LMAN1: variants seen among roughly 807,000 people sequenced by gnomAD.
The protein encoded by LMAN1 is protein ERGIC-53.
A neutral mutation model predicts 67.8 loss-of-function variants in LMAN1; 32 were observed. The observed-to-expected ratio is 0.47, with a 90% CI of 0.36 to 0.63. The LOEUF (loss-of-function observed/expected upper bound fraction) is 0.63. Ranked by LOEUF, LMAN1 falls within the 30% of genes least tolerant of loss-of-function variation. LMAN1 has a pLI of 0.00. For synonymous variants in LMAN1, 235 were observed against 219.3 expected (o/e 1.07, Z -0.63); for missense variants, 632 against 628.2 (o/e 1.01, Z -0.06).
In LMAN1 at chr18:59,338,108, G is replaced by C. The variant is rs534370908; in HGVS notation, c.1220+449C>G. 3.9e-5 allele frequency among the ~76,000 whole-genome samples: 6 copies of C among 152,254 alleles called. No individual in the cohort carries two copies. The South Asian group carries it at 1.0e-3, about 26-fold the overall frequency. ...GAGTAAAAGATGGGAATGAAAAAGA[G>C]GTAGTCACACATATTACGTTCAAAA... On this transcript the variant is annotated intron_variant, in intron 10 of 12. Transcript: ENST00000251047.
rs1375009602 is a variant in LMAN1, at chr18:59,338,570, C to T, written c.1207G>A (p.Val403Ile). ...VKTQHEILRQ[V>I]NEMKNSMSET... is the part of the protein sequence containing the mutation. ...TTCCATACTTACTTCATTTCATTTACTTGTCTCAGAATCTCATGCTGAGTT... is the reference window on the plus strand; with the variant it reads ...TTCCATACTTACTTCATTTCATTTATTTGTCTCAGAATCTCATGCTGAGTT... Residue 403 changes from valine (V) to isoleucine (I), a missense_variant, in exon 10 of 13, where the codon GTA becomes ATA. Val to Ile is a conservative substitution (Grantham distance 29). Coordinates refer to ENST00000251047, the MANE Select transcript of LMAN1 (RefSeq NM_005570.4). The T allele has an allele frequency of 1.9e-6, 3 of 1,612,998 alleles. No homozygotes were observed. The African/African-American group carries it at 4.0e-5, about 22-fold the overall frequency.
intron 1 of LMAN1, among the ~76,000 whole-genome samples, 195 bp downstream of exon 1, chr18:59,358,836 G>A (rs1908724230): frequency 6.6e-6 from 1 of 152,162 alleles, no homozygotes; most frequent in African/African-American, 2.4e-5. Context: ...GAAAGACTCG[G>A]GGACAAGCGG....
chr18:59,333,294 T>C (rs2070760339), intron 10 of LMAN1, 50 bp from the exon 11 acceptor site: 2 of 1,497,524 alleles, frequency 1.3e-6, no homozygotes, highest in East Asian at 4.6e-5. Context: ...AAGTTTTTTT[T>C]TTTCAGTCAC....
At chr18:59,333,065 A>G in intron 11 of LMAN1, 26 bp downstream of exon 11, 1 of 1,587,848 alleles carries the variant, frequency 6.3e-7, no homozygotes, top group Non-Finnish European at 8.6e-7. Flanking sequence ...GATTATAATT[A>G]TAAAAGGAAA....
At position 59,355,541 on chromosome 18, in the gene LMAN1, C is replaced by G. The variant is rs148481935; in HGVS notation, c.332G>C (p.Arg111Pro). ...FENWEVEVTFRVTGRGRIGAD... is the reference protein window; with the variant it reads ...FENWEVEVTFPVTGRGRIGAD... ...TCCAATTCGACCTCTTCCAGTCACT[C>G]GAAATGTCACCTCAACTTCCCAGTT... Residue 111 changes from arginine to proline, a missense_variant, in exon 2 of 13, where the codon CGA becomes CCA. By Grantham distance (103) the Arg-to-Pro change is moderately radical. Coordinates refer to ENST00000251047, the MANE Select transcript of LMAN1 (RefSeq NM_005570.4). 6.2e-7 allele frequency: 1 copy of G among 1,613,974 alleles called. No homozygotes were observed. Among genetic ancestry groups the G allele is most frequent in the South Asian group, 1.1e-5 (1 of 91,076 alleles).
intron 1 of LMAN1, among the ~76,000 whole-genome samples, chr18:59,356,081 G>C (rs1908655334): frequency 6.6e-6 from 1 of 152,192 alleles, no homozygotes; most frequent in Non-Finnish European, 1.5e-5. Context: ...TCTCAGTTCA[G>C]CTGTGTGACT....
intron 1 of LMAN1, 99 bp from the exon 2 acceptor site, chr18:59,355,757 C>T (rs1367576158): frequency 1.5e-6 from 2 of 1,330,932 alleles, no homozygotes; most frequent in Non-Finnish European, 2.1e-6. Context: ...GACTTAGTAA[C>T]CTGTACAATA....
chr18:59,333,010 G>T (rs1390204763), intron 11 of LMAN1, 81 bp downstream of exon 11: 4 of 1,157,448 alleles, frequency 3.5e-6, no homozygotes, highest in Non-Finnish European at 5.2e-6. Context: ...ATTAACTAAA[G>T]GGTTAAAATA....
Position 59,359,038 on chromosome 18 carries a change from G to C in LMAN1, c.207C>G (p.His69Gln), listed in dbSNP as rs1010277720. Residue 69 changes from histidine (H) to glutamine (Q), a missense_variant, in exon 1 of 13, where the codon CAC becomes CAG. Transcript: ENST00000251047. ...QSDGTVPFWA[H>Q]AGNAIPSSDQ... Reference sequence around the variant, plus strand: ...CCCTCTGCTCCGGCTTACTCCCCGCGTGGGCCCAGAAGGGCACGGTCCCGT... The same window carrying C: ...CCCTCTGCTCCGGCTTACTCCCCGCCTGGGCCCAGAAGGGCACGGTCCCGT... The C allele has an allele frequency of 6.2e-6, 10 of 1,613,862 alleles. No homozygotes were observed. In the East Asian group the frequency reaches 1.8e-4, roughly 29 times the overall value.
chr18:59,347,125 G>T (rs1908428481), intron 7 of LMAN1, among the ~76,000 whole-genome samples: 1 of 151,718 alleles, frequency 6.6e-6, no homozygotes, highest in Non-Finnish European at 1.5e-5. Flanking sequence ...CAGCTACTCA[G>T]GAGGCTGAGG....
intron 5 of LMAN1, 113 bp downstream of exon 5, chr18:59,353,089 G>A (rs1170951576): frequency 2.2e-6 from 2 of 900,672 alleles, no homozygotes; most frequent in Non-Finnish European, 3.7e-6. Flanking sequence ...TAACAATGAA[G>A]AGTATGTAAG....
At chr18:59,349,488 G>T (rs892205670) in intron 5 of LMAN1, among the ~76,000 whole-genome samples, 4 of 152,156 alleles carry the variant, frequency 2.6e-5, no homozygotes, top group African/African-American at 4.8e-5. Context: ...AATGGAATAT[G>T]GTTTGCCTTC....
At chr18:59,338,283 C>T (rs1405966731) in intron 10 of LMAN1, among the ~76,000 whole-genome samples, 4 of 152,110 alleles carry the variant, frequency 2.6e-5, no homozygotes, top group Non-Finnish European at 5.9e-5. Context: ...TATAAGAACA[C>T]ACCTGGCTCT....
rs41473345 is a variant in LMAN1, at chr18:59,355,391, C to T, written c.399G>A (p.Leu133=). The T allele has an allele frequency of 4.8e-4, 782 of 1,614,036 alleles. 4 individuals are homozygous for T. The African/African-American group carries it at 9.3e-3, about 19-fold the overall frequency. Reference sequence around the variant, plus strand: ...CAGCTGATCCAAACACAGGGCCCTCCAAGCCTTGATTTTCTGCATACCAAA... The same window carrying T: ...CAGCTGATCCAAACACAGGGCCCTCTAAGCCTTGATTTTCTGCATACCAAA... ...LAIWYAENQG[L]EGPVFGSADL... Residue 133 remains leucine (L), a synonymous_variant, in exon 3 of 13, where the codon TTG becomes TTA. Coordinates refer to ENST00000251047, the MANE Select transcript of LMAN1 (RefSeq NM_005570.4).
chr18:59,347,292 GC>G (rs1191516691), intron 7 of LMAN1, among the ~76,000 whole-genome samples: 1 of 122,126 alleles, frequency 8.2e-6, no homozygotes, highest in Admixed American at 1.1e-4. Context: ...CTGCACTCCA[GC>G]CTGGGAGACA....
chr18:59,355,699 T>G, intron 1 of LMAN1, 41 bp from the exon 2 acceptor site: 1 of 1,594,404 alleles, frequency 6.3e-7, no homozygotes, highest in Non-Finnish European at 8.6e-7. Context: ...AAGTTATAAT[T>G]AGGTAAAACT....
Position 59,346,010 on chromosome 18 carries a change from C to G in LMAN1, c.864G>C (p.Lys288Asn). Residue 288 changes from lysine (K) to asparagine (N), a missense_variant, in exon 8 of 13, where the codon AAG (lysine) becomes AAC (asparagine). Coordinates refer to ENST00000251047, the MANE Select transcript of LMAN1 (RefSeq NM_005570.4). ...DKEISEKEKE[K>N]YQEEFEHFQQ... ...GAAAGTGCTCAAATTCCTCCTGATA[C>G]TTTTCTTTTTCCTTTTCCGAAATTT... The G allele has an allele frequency of 6.2e-7, 1 of 1,613,292 alleles. No individual in the cohort carries two copies. Among genetic ancestry groups the G allele is most frequent in the Non-Finnish European group, 8.5e-7 (1 of 1,179,784 alleles).
chr18:59,333,269 A>G, intron 10 of LMAN1, 25 bp from the exon 11 acceptor site: 1 of 1,606,142 alleles, frequency 6.2e-7, no homozygotes, highest in Non-Finnish European at 8.5e-7. Flanking sequence ...CTCTTGATAC[A>G]ATAAAATCAC....
rs1431239369 is a variant in LMAN1 at position 59,329,492 on chromosome 18, A to G, written c.*1601T>C. ...TCTGTGATGATGAAGCCTCTGAAACATGAATTTCAAAATGTTAACACTACA... is the reference window on the plus strand; with the variant it reads ...TCTGTGATGATGAAGCCTCTGAAACGTGAATTTCAAAATGTTAACACTACA... On this transcript the variant is annotated 3_prime_UTR_variant, in exon 13 of 13. Transcript: ENST00000251047. 3.3e-5 allele frequency: 5 copies of G among 152,188 alleles called. No individual in the cohort carries two copies. The highest frequency in any genetic ancestry group is 7.4e-5 in the Non-Finnish European group (5 of 68,020). 9.4% of individuals were successfully genotyped at this position (152,188 alleles called of 1,614,324 possible). A position where few individuals can be genotyped will look rare whatever the true frequency, so the allele number is the denominator to read the frequency against.
Sources: allele counts gnomAD v4.1 joint callset (sites outside exome capture counted in the v4.1 genomes callset), GRCh38; gene constraint gnomAD v4.1.1; transcripts MANE v1.5; gene names NCBI Gene and HGNC (gene_info 2026-07-23, HGNC 2026-07-21).